PID1: variants seen among roughly 807,000 people sequenced by gnomAD.
PID1 encodes the protein phosphotyrosine interaction domain containing 1.
PID1 carries 10 observed loss-of-function variants against 19.1 expected under a neutral mutation model. The ratio of observed to expected loss-of-function variants is 0.52; its 90% CI spans 0.32 to 0.89. The LOEUF (loss-of-function observed/expected upper bound fraction) is 0.89, where lower values mean the gene tolerates loss of function less well. Among genes scored for constraint, PID1 ranks in the 40% least tolerant of loss-of-function variants. The probability of loss-of-function intolerance (pLI) is 0.03; values close to 1 mark genes in which losing one functional copy is unlikely to be tolerated. For missense variants in PID1, 248 were observed against 285.3 expected (o/e 0.87, Z 0.94); for synonymous variants, 130 against 116.0 (o/e 1.12, Z -0.78).
intron 2 of PID1, among the ~76,000 whole-genome samples, chr2:229,058,600 G>A (rs1208306256): frequency 1.3e-5 from 2 of 151,974 alleles, no homozygotes; most frequent in Non-Finnish European, 2.9e-5. Context: ...ACAGCTCTTG[G>A]CCAGCATCTC....
chr2:229,051,041 A>T (rs1051454019), intron 2 of PID1, among the ~76,000 whole-genome samples: 1 of 152,164 alleles, frequency 6.6e-6, no homozygotes, highest in East Asian at 1.9e-4. Context: ...ATCTAGTCTG[A>T]ATTCCGAATT....
intron 2 of PID1, among the ~76,000 whole-genome samples, chr2:229,081,969 A>G (rs888663861): frequency 2.0e-5 from 3 of 152,196 alleles, no homozygotes; most frequent in African/African-American, 7.2e-5. Context: ...GAAACTGTTT[A>G]GTCTCAGCAA....
intron 1 of PID1, among the ~76,000 whole-genome samples, chr2:229,222,284 T>C (rs1691987127): frequency 6.6e-6 from 1 of 152,184 alleles, no homozygotes; most frequent in Non-Finnish European, 1.5e-5. Context: ...CGGGTCTACA[T>C]GAGCCATAAC....
chr2:229,097,880 A>G (rs999275916), intron 2 of PID1, among the ~76,000 whole-genome samples: 1 of 152,210 alleles, frequency 6.6e-6, no homozygotes, highest in African/African-American at 2.4e-5. Flanking sequence ...TCTTTCAATA[A>G]GCAAACTCAC....
At chr2:229,050,506 A>G (rs1421726706) in intron 2 of PID1, among the ~76,000 whole-genome samples, 1 of 152,168 alleles carries the variant, frequency 6.6e-6, no homozygotes, top group Admixed American at 6.5e-5. Context: ...CTTTCCTAAA[A>G]AGTCTTTCTT....
At chr2:229,214,853 TACACACAC>T (rs201212588) in intron 1 of PID1, among the ~76,000 whole-genome samples, 176 of 148,960 alleles carry the variant, frequency 1.2e-3, no homozygotes, top group Non-Finnish European at 2.2e-3. Context: ...TTTATATAGA[TACACACAC>T]ACACACACAC....
chr2:229,210,981 C>T (rs1691720893), intron 1 of PID1, among the ~76,000 whole-genome samples: 1 of 152,186 alleles, frequency 6.6e-6, no homozygotes, highest in Non-Finnish European at 1.5e-5. Context: ...ACAGTCAGTG[C>T]TAAAAACTGC....
intron 1 of PID1, chr2:229,262,761 C>T: frequency 6.4e-7 from 1 of 1,551,562 alleles, no homozygotes; most frequent in Non-Finnish European, 8.7e-7. Context: ...AAGAACATGT[C>T]CTCGACTCTT....
At chr2:229,042,548 C>G (rs955675398) in intron 2 of PID1, among the ~76,000 whole-genome samples, 1 of 152,140 alleles carries the variant, frequency 6.6e-6, no homozygotes, top group Non-Finnish European at 1.5e-5. Flanking sequence ...CTCTGACCGT[C>G]CTGGAGCACA....
At position 229,167,792 on chromosome 2, in the gene PID1, A is replaced by C. The variant is rs112949977; in HGVS notation, c.31-11828T>G. On this transcript the variant is annotated intron_variant, in intron 1 of 2. Transcript: ENST00000392055. ...AATCATTTGGGGACGCTTGAAAATT[A>C]TACTATTTTGTCACTATTGAAATCT... 6.1e-3 allele frequency among the ~76,000 whole-genome samples: 923 copies of C among 152,306 alleles called. 12 individuals are homozygous for C. The highest frequency in any genetic ancestry group is 0.021 in the African/African-American group (878 of 41,578).
chr2:229,255,693 G>A (rs142862901), intron 1 of PID1, among the ~76,000 whole-genome samples: 27 of 152,278 alleles, frequency 1.8e-4, no homozygotes, highest in Middle Eastern at 6.8e-3. Flanking sequence ...GTTGCCTGGC[G>A]TGGGATATGT....
At chr2:229,151,671 T>C (rs915458070) in intron 2 of PID1, among the ~76,000 whole-genome samples, 5 of 151,618 alleles carry the variant, frequency 3.3e-5, no homozygotes, top group African/African-American at 4.8e-5. Context: ...CCCGGGTTCA[T>C]GCCATTCTCC....
chr2:229,039,538 T>C (rs998579746), intron 2 of PID1, among the ~76,000 whole-genome samples: 3 of 152,208 alleles, frequency 2.0e-5, no homozygotes, highest in Admixed American at 6.5e-5. Context: ...AGAACAAAAA[T>C]ATTTGATATA....
In PID1 at chr2:229,025,805, G is replaced by A. The variant is rs1435567392; in HGVS notation, c.481C>T (p.Gln161Ter). Residue 161 changes from glutamine (Q) to a stop codon, truncating the protein, a stop_gained, in exon 3 of 3, where the codon CAG (glutamine) becomes TAG (stop). Coordinates refer to ENST00000392055, the MANE Select transcript of PID1 (RefSeq NM_001100818.2). LOFTEE classifies it high-confidence loss of function. ...YREINDDLSY[Q>*]MDCHAVECES... ...CACTCCACGGCGTGGCAGTCCATCT[G>A]GTAGGACAGGTCATCATTGATCTCC... The A allele has an allele frequency of 6.2e-7, 1 of 1,614,234 alleles. No individual in the cohort carries two copies. Among genetic ancestry groups the A allele is most frequent in the Admixed American group, 1.7e-5 (1 of 60,030 alleles).
chr2:229,262,036 C>T (rs1199387868), intron 1 of PID1, among the ~76,000 whole-genome samples: 1 of 152,170 alleles, frequency 6.6e-6, no homozygotes, highest in Admixed American at 6.5e-5. Flanking sequence ...CCATGAGGCT[C>T]ACCTGGAGGT....
At chr2:229,104,664 G>A (rs1695138765) in intron 2 of PID1, among the ~76,000 whole-genome samples, 1 of 152,142 alleles carries the variant, frequency 6.6e-6, no homozygotes, top group African/African-American at 2.4e-5. Context: ...GAGACTCTCA[G>A]TTTCTTACAT....
intron 1 of PID1, among the ~76,000 whole-genome samples, chr2:229,210,713 G>A (rs192595786): frequency 6.6e-6 from 1 of 152,010 alleles, no homozygotes; most frequent in African/African-American, 2.4e-5. Context: ...TGAATGTGAT[G>A]TGCCAATATG....
chr2:229,139,043 A>AAGAAAGAAAG lies in PID1; in HGVS notation c.177+16765_177+16774dup, dbSNP rs1559251452. On this transcript the variant is annotated intron_variant, in intron 2 of 2. Coordinates refer to ENST00000392055, the MANE Select transcript of PID1 (RefSeq NM_001100818.2). ...AGAAAGAAAGAAAGAAAGAAAGAGA[A>AAGAAAGAAAG]AGAAAGAAAGAAAGAGAAAGAAAGA... Among the ~76,000 whole-genome samples the AAGAAAGAAAG allele has an allele frequency of 2.0e-4, 13 of 63,588 alleles. No homozygotes were observed. The East Asian group carries it at 2.3e-3, about 11-fold the overall frequency. 41.7% of individuals were successfully genotyped at this position (63,588 alleles called of 152,430 possible).
chr2:229,149,739 A>G (rs1432381776), intron 2 of PID1, among the ~76,000 whole-genome samples: 1 of 152,216 alleles, frequency 6.6e-6, no homozygotes, highest in Non-Finnish European at 1.5e-5. Context: ...GCTTCACATC[A>G]AGCCAGGCCA....
Sources: allele counts gnomAD v4.1 joint callset (sites outside exome capture counted in the v4.1 genomes callset), GRCh38; gene constraint gnomAD v4.1.1; transcripts MANE v1.5; gene names NCBI Gene and HGNC (gene_info 2026-07-23, HGNC 2026-07-21).